The following CPS1 variants were observed in gnomAD, a reference collection of about 807,000 sequenced individuals.
CPS1 encodes carbamoyl-phosphate synthase [ammonia], mitochondrial.
A neutral mutation model predicts 174.6 loss-of-function variants in CPS1; 109 were observed. The observed-to-expected ratio is 0.62, with a 90% CI of 0.53 to 0.73. The LOEUF is 0.73. Among genes scored for constraint, CPS1 ranks in the 30% least tolerant of loss-of-function variants. The pLI is 0.00. For missense variants in CPS1, 1,689 were observed against 1,821.9 expected, an observed-to-expected ratio of 0.93 and a Z score of 1.33; for synonymous variants, 637 against 632.0, an observed-to-expected ratio of 1.01 and a Z score of -0.12.
intron 1 of CPS1, among the ~76,000 whole-genome samples, chr2:210,543,315 T>A (rs1696479964): frequency 6.6e-6 from 1 of 152,112 alleles, no homozygotes; most frequent in African/African-American, 2.4e-5. Flanking sequence ...AATCAATATG[T>A]TAACATGCCC....
In CPS1 at chr2:210,600,674, A is replaced by T. The variant is rs996917957; in HGVS notation, c.1669A>T (p.Ile557Phe). 5 of 1,612,084 alleles carry T rather than the reference A, an allele frequency of 3.1e-6. No homozygotes were observed. The highest frequency in any genetic ancestry group is 1.6e-4 in the Middle Eastern group (1 of 6,068). ...GCTGTTTTCAGATAAACTAAATGAG[A>T]TCAATGAAAAGATTGCTCCAAGTTT... ...RQLFSDKLNE[I>F]NEKIAPSFAV... The change falls in exon 15 of 38, where the codon ATC becomes TTC. Residue 557 changes from isoleucine to phenylalanine, a missense_variant. By Grantham distance (21) the Ile-to-Phe change is conservative. Coordinates refer to ENST00000233072, the MANE Select transcript of CPS1 (RefSeq NM_001875.5).
intron 33 of CPS1, among the ~76,000 whole-genome samples, chr2:210,665,049 T>A (rs1701046364): frequency 6.6e-6 from 1 of 152,206 alleles, no homozygotes; most frequent in Non-Finnish European, 1.5e-5. Flanking sequence ...CTGTAGAAAA[T>A]TTTTAAAACC....
At chr2:210,535,363 C>T (rs1372538259) in intron 1 of CPS1, among the ~76,000 whole-genome samples, 1 of 152,140 alleles carries the variant, frequency 6.6e-6, no homozygotes, top group Non-Finnish European at 1.5e-5. Flanking sequence ...TTACCCCGTT[C>T]CCCTCCCAAT....
chr2:210,543,750 G>A (rs1696490744), intron 1 of CPS1, among the ~76,000 whole-genome samples: 1 of 151,958 alleles, frequency 6.6e-6, no homozygotes, highest in Non-Finnish European at 1.5e-5. Flanking sequence ...TGAGGTTTGG[G>A]ACCATGTCAT....
At chr2:210,564,533 G>A (rs1405086224) in intron 1 of CPS1, among the ~76,000 whole-genome samples, 4 of 152,036 alleles carry the variant, frequency 2.6e-5, no homozygotes, top group African/African-American at 4.8e-5. Flanking sequence ...CTGCCACCAC[G>A]CCTGGCTAAT....
At chr2:210,592,028 T>C in intron 10 of CPS1, 59 bp downstream of exon 10, 1 of 1,540,438 alleles carries the variant, frequency 6.5e-7, no homozygotes, top group Non-Finnish European at 8.8e-7. Flanking sequence ...CTTTTAAAAA[T>C]AATTGATACA....
intron 1 of CPS1, among the ~76,000 whole-genome samples, chr2:210,559,921 G>T (rs1697043300): frequency 6.6e-6 from 1 of 151,926 alleles, no homozygotes; most frequent in Non-Finnish European, 1.5e-5. Context: ...GCAAAAACTG[G>T]ATATTTAAAA....
intron 1 of CPS1, among the ~76,000 whole-genome samples, chr2:210,511,755 G>A (rs1695501138): frequency 6.6e-6 from 1 of 152,040 alleles, no homozygotes; most frequent in African/African-American, 2.4e-5. Context: ...CTGGTTGAGG[G>A]TAAATACAAT....
chr2:210,632,459 T>C (rs560963445), intron 21 of CPS1, among the ~76,000 whole-genome samples: 1 of 152,374 alleles, frequency 6.6e-6, no homozygotes, highest in African/African-American at 2.4e-5. Flanking sequence ...AATACAATTT[T>C]GTATCAGAAT....
At chr2:210,662,774 A>T (rs1700965476) in intron 32 of CPS1, among the ~76,000 whole-genome samples, 1 of 152,146 alleles carries the variant, frequency 6.6e-6, no homozygotes, top group Non-Finnish European at 1.5e-5. Context: ...ATGTGTTTGA[A>T]CTCTGTCTGG....
Position 210,573,331 on chromosome 2 carries a change from A to T in CPS1, c.160A>T (p.Thr54Ser). 5.6e-6 allele frequency: 9 copies of T among 1,613,226 alleles called. No homozygotes were observed. The highest frequency in any genetic ancestry group is 7.6e-6 in the Non-Finnish European group (9 of 1,179,274). ...QTAHIVLEDG[T>S]KMKGYSFGHP... Reference sequence around the variant, plus strand: ...AGCACACATTGTCCTGGAAGATGGAACTAAGATGAAAGGTTACTCCTTTGG... The same window carrying T: ...AGCACACATTGTCCTGGAAGATGGATCTAAGATGAAAGGTTACTCCTTTGG... The change falls in exon 2 of 38, where the codon ACT becomes TCT. Residue 54 changes from threonine (T) to serine (S), a missense_variant. Thr to Ser is a moderately conservative substitution (Grantham distance 58, BLOSUM62 1). Coordinates refer to ENST00000233072, the MANE Select transcript of CPS1 (RefSeq NM_001875.5).
At chr2:210,662,019 C>T (rs1352507074) in intron 32 of CPS1, among the ~76,000 whole-genome samples, 1 of 151,102 alleles carries the variant, frequency 6.6e-6, no homozygotes, top group Non-Finnish European at 1.5e-5. Context: ...AATTCTCCCC[C>T]TCAGCCCCCC....
intron 1 of CPS1, among the ~76,000 whole-genome samples, chr2:210,565,284 T>C (rs1277944041): frequency 6.6e-6 from 1 of 152,080 alleles, no homozygotes; most frequent in Non-Finnish European, 1.5e-5. Flanking sequence ...GACTAGTAAT[T>C]TAATCTTTAA....
Position 210,593,372 on chromosome 2 carries a change from A to C in CPS1, c.1164+416A>C, listed in dbSNP as rs986799903. The C allele has an allele frequency of 1.1e-5, 12 of 1,085,044 alleles. No individual in the cohort carries two copies. In the African/African-American group the frequency reaches 2.0e-4, roughly 18 times the overall value. 67.2% of individuals were successfully genotyped at this position (1,085,044 alleles called of 1,614,324 possible). On this transcript the variant is annotated intron_variant, in intron 11 of 37. Transcript: ENST00000233072. ...GGTTGTGTAGCCACTAAGGGAGAATAAACAGCAGCAGGAGAAGGAGGGGAA... is the reference window on the plus strand; with the variant it reads ...GGTTGTGTAGCCACTAAGGGAGAATCAACAGCAGCAGGAGAAGGAGGGGAA...
intron 21 of CPS1, among the ~76,000 whole-genome samples, chr2:210,632,026 G>T (rs1699886595): frequency 6.6e-6 from 1 of 152,072 alleles, no homozygotes; most frequent in African/African-American, 2.4e-5. Flanking sequence ...ATTCCCTATT[G>T]AGGTTTCAAA....
At chr2:210,487,457 G>A (rs529500692) in intron 1 of CPS1, among the ~76,000 whole-genome samples, 26 of 152,306 alleles carry the variant, frequency 1.7e-4, no homozygotes, top group Admixed American at 8.5e-4. Context: ...TGGCTTAGGC[G>A]GCTGTCTTGT....
At chr2:210,519,586 T>TG (rs1432774007) in intron 1 of CPS1, 1 of 166,106 alleles carries the variant, frequency 6.0e-6, no homozygotes. Context: ...TCAGAAATGA[T>TG]GGAGAAACTG....
chr2:210,646,034 A>G (rs1428187006), intron 25 of CPS1, among the ~76,000 whole-genome samples: 1 of 152,218 alleles, frequency 6.6e-6, no homozygotes, highest in Non-Finnish European at 1.5e-5. Flanking sequence ...TCAATTTAAT[A>G]CAGCTAAGTT....
At chr2:210,589,651 GTTTATT>G (rs1211787527) in intron 7 of CPS1, among the ~76,000 whole-genome samples, 8 of 151,760 alleles carry the variant, frequency 5.3e-5, no homozygotes, top group Non-Finnish European at 8.8e-5. Context: ...TTTTAATGGT[GTTTATT>G]TTTATTTTTA....
Sources: gnomAD v4.1 joint callset for allele counts (sites outside exome capture counted in the v4.1 genomes callset) on GRCh38, gnomAD v4.1.1 for gene constraint, MANE v1.5 for transcripts, NCBI Gene and HGNC (gene_info 2026-07-23, HGNC 2026-07-21) for gene names.